The following CRIM1 variants were observed in gnomAD, a reference collection of about 807,000 sequenced individuals.
CRIM1 encodes cysteine-rich motor neuron 1 protein.
In CRIM1, 32 loss-of-function variants were observed where a neutral mutation model predicts 116.4. That is an observed-to-expected ratio of 0.27 (90% CI 0.21 to 0.37). CRIM1 has a LOEUF of 0.37. Ranked by LOEUF, CRIM1 falls within the 10% of genes least tolerant of loss-of-function variation. The pLI is 1.00. For missense variants in CRIM1, 1,331 were observed against 1,354.8 expected (o/e 0.98, Z 0.28); for synonymous variants, 590 against 509.2 (o/e 1.16, Z -2.13).
At chr2:36,414,196 G>T (rs1310232140) in intron 2 of CRIM1, among the ~76,000 whole-genome samples, 3 of 152,132 alleles carry the variant, frequency 2.0e-5, no homozygotes, top group Admixed American at 2.0e-4. Flanking sequence ...CATTTGTCTG[G>T]TTCTGACATG....
intron 2 of CRIM1, among the ~76,000 whole-genome samples, chr2:36,398,936 G>A (rs1361381681): frequency 6.6e-6 from 1 of 152,196 alleles, no homozygotes; most frequent in African/African-American, 2.4e-5. Flanking sequence ...TGCCAAGAAA[G>A]TATGATTTGG....
chr2:36,538,134 A>G (rs982837049), intron 14 of CRIM1, among the ~76,000 whole-genome samples: 4 of 152,058 alleles, frequency 2.6e-5, no homozygotes, highest in Admixed American at 6.5e-5. Flanking sequence ...CCCCATGCCT[A>G]CATCTTTCCC....
intron 1 of CRIM1, among the ~76,000 whole-genome samples, chr2:36,376,672 G>T (rs1285863920): frequency 6.6e-6 from 1 of 152,192 alleles, no homozygotes; most frequent in Non-Finnish European, 1.5e-5. Context: ...TGGAGTTGGT[G>T]CTTCCAAGGG....
At chr2:36,467,319 T>C (rs1228436751) in intron 5 of CRIM1, among the ~76,000 whole-genome samples, 1 of 152,240 alleles carries the variant, frequency 6.6e-6, no homozygotes, top group Non-Finnish European at 1.5e-5. Context: ...TCCTACAGAA[T>C]ATTGTTAAGA....
intron 2 of CRIM1, among the ~76,000 whole-genome samples, chr2:36,411,371 GATATATC>G (rs1673188741): frequency 6.6e-6 from 1 of 152,102 alleles, no homozygotes; most frequent in South Asian, 2.1e-4. Context: ...GGGTCCTTTT[GATATATC>G]AAGAACTAAA....
rs1667660364 is a variant in CRIM1, at chr2:36,550,133, A to G, written c.*1432A>G. 1 of 152,432 alleles carries G rather than the reference A, an allele frequency of 6.6e-6. No individual in the cohort carries two copies. Among genetic ancestry groups the G allele is most frequent in the Non-Finnish European group, 1.5e-5 (1 of 68,012 alleles). The allele number at this position is 152,432 out of a possible 1,614,324, so 9.4% of individuals were successfully genotyped here. On this transcript the variant is annotated 3_prime_UTR_variant, in exon 17 of 17. Coordinates refer to ENST00000280527, the MANE Select transcript of CRIM1 (RefSeq NM_016441.3). ...TATGGAGAAGGGTATTCCTTTATTA[A>G]AATCTTCCTCATTTGGATTTGCTTT...
Position 36,406,746 on chromosome 2 carries a change from C to T in CRIM1, c.505+9959C>T, listed in dbSNP as rs558829595. On this transcript the variant is annotated intron_variant, in intron 2 of 16. Transcript: ENST00000280527. ...CTTTGCTTCAGGACTTTCATGTGTA[C>T]AGATTCCTAAATTTTAAGTTACACA... is the stretch of plus-strand genomic sequence containing the variant. Among the ~76,000 whole-genome samples, 20 of 151,956 alleles carry T rather than the reference C, an allele frequency of 1.3e-4. No homozygotes were observed. The South Asian group carries it at 4.2e-3, about 32-fold the overall frequency.
chr2:36,418,304 CT>C (rs1461813475), intron 2 of CRIM1, among the ~76,000 whole-genome samples: 1 of 152,110 alleles, frequency 6.6e-6, no homozygotes, highest in Non-Finnish European at 1.5e-5. Context: ...TGTTTGAGCT[CT>C]TTTTATTGTT....
chr2:36,496,943 T>C (rs1345702357), intron 7 of CRIM1, among the ~76,000 whole-genome samples: 1 of 152,222 alleles, frequency 6.6e-6, no homozygotes, highest in East Asian at 1.9e-4. Flanking sequence ...GCAAATATCA[T>C]TTAGAGGTAG....
chr2:36,544,347 C>CA (rs1292477454), intron 14 of CRIM1, 29 bp from the exon 15 acceptor site: 2 of 1,322,702 alleles, frequency 1.5e-6, no homozygotes, highest in East Asian at 5.6e-5. Flanking sequence ...GCTTCATCAT[C>CA]TCTTAGGAAA....
intron 2 of CRIM1, among the ~76,000 whole-genome samples, chr2:36,400,301 G>T (rs1270251251): frequency 6.6e-6 from 1 of 152,098 alleles, no homozygotes; most frequent in Non-Finnish European, 1.5e-5. Context: ...TGTAATGAGG[G>T]TTAGAAATTA....
At chr2:36,525,399 C>T (rs1205039971) in intron 13 of CRIM1, among the ~76,000 whole-genome samples, 1 of 152,116 alleles carries the variant, frequency 6.6e-6, no homozygotes, top group Non-Finnish European at 1.5e-5. Context: ...CAGCTTGGTC[C>T]CTATATAAGG....
chr2:36,493,427 G>A (rs1680366195), intron 7 of CRIM1, among the ~76,000 whole-genome samples: 1 of 152,194 alleles, frequency 6.6e-6, no homozygotes, highest in South Asian at 2.1e-4. Context: ...CAGTTTACCA[G>A]AGGACAGCAC....
chr2:36,410,143 T>C (rs1206003837), intron 2 of CRIM1, among the ~76,000 whole-genome samples: 1 of 152,214 alleles, frequency 6.6e-6, no homozygotes, highest in Non-Finnish European at 1.5e-5. Context: ...TAACATGAAT[T>C]AATGTCTGTG....
intron 4 of CRIM1, among the ~76,000 whole-genome samples, chr2:36,445,541 G>A (rs143362066): frequency 5.9e-5 from 9 of 152,314 alleles, no homozygotes; most frequent in African/African-American, 1.7e-4. Context: ...TGTCGAATGC[G>A]TGAAGTCTTG....
chr2:36,384,475 G>A (rs1246469329), intron 1 of CRIM1, among the ~76,000 whole-genome samples: 1 of 152,162 alleles, frequency 6.6e-6, no homozygotes, highest in Non-Finnish European at 1.5e-5. Context: ...TAGGTATAGA[G>A]GTAAGATACT....
intron 13 of CRIM1, among the ~76,000 whole-genome samples, chr2:36,533,933 TGAA>T (rs1292994393): frequency 7.7e-6 from 1 of 130,674 alleles, no homozygotes; most frequent in African/African-American, 3.0e-5. Flanking sequence ...AAAGAAGGAA[TGAA>T]GGAGAGAGGG....
At position 36,529,540 on chromosome 2, in the gene CRIM1, G is replaced by C. The variant is rs909788438; in HGVS notation, c.2428+7227G>C. On this transcript the variant is annotated intron_variant, in intron 13 of 16. Transcript: ENST00000280527. Reference sequence around the variant, plus strand: ...GAATAATGTCCATGTACCTGTAGATGCATCTTGGATTGTAGGCCCTACTAT... The same window carrying C: ...GAATAATGTCCATGTACCTGTAGATCCATCTTGGATTGTAGGCCCTACTAT... 9 of 196,246 alleles carry C rather than the reference G, an allele frequency of 4.6e-5. No homozygotes were observed. In the South Asian group the frequency reaches 9.2e-4, roughly 20 times the overall value. The allele number at this position is 196,246 out of a possible 1,614,324, so 12.2% of individuals were successfully genotyped here.
intron 4 of CRIM1, among the ~76,000 whole-genome samples, chr2:36,459,235 G>A (rs1460242007): frequency 6.6e-6 from 1 of 152,034 alleles, no homozygotes; most frequent in African/African-American, 2.4e-5. Context: ...TTCTGGAGCC[G>A]CTCCCCAAAC....
Sources: gnomAD v4.1 joint callset for allele counts (sites outside exome capture counted in the v4.1 genomes callset) on GRCh38, gnomAD v4.1.1 for gene constraint, MANE v1.5 for transcripts, NCBI Gene and HGNC (gene_info 2026-07-23, HGNC 2026-07-21) for gene names.